The following ZSCAN10 variants were observed in gnomAD, a reference collection of about 807,000 sequenced individuals.
ZSCAN10 encodes zinc finger and SCAN domain-containing protein 10.
A neutral mutation model predicts 63.7 loss-of-function variants in ZSCAN10; 52 were observed. The observed-to-expected ratio is 0.82, with a 90% CI of 0.65 to 1.03. The LOEUF (loss-of-function observed/expected upper bound fraction) is 1.03. Among genes scored for constraint, ZSCAN10 ranks in the 50% least tolerant of loss-of-function variants. The pLI, the probability that ZSCAN10 is intolerant of heterozygous loss-of-function variation, is 0.00. For missense variants in ZSCAN10, 1,223 were observed against 1,103.8 expected (o/e 1.11, Z -1.53); for synonymous variants, 544 against 479.6 (o/e 1.13, Z -1.76).
Position 3,090,212 on chromosome 16 carries a change from G to A in ZSCAN10, c.1222C>T (p.Leu408=). Residue 408 remains leucine, a synonymous_variant, in exon 6 of 6, where the codon CTG becomes TTG. Coordinates refer to ENST00000576985, the MANE Select transcript of ZSCAN10 (RefSeq NM_032805.3). Reference sequence around the variant, plus strand: ...CTCTGGCGGAAGCGGTGGCCGCACAGGTGGCAGGCGTGCGGCCGCTCGTCC... The same window carrying A: ...CTCTGGCGGAAGCGGTGGCCGCACAAGTGGCAGGCGTGCGGCCGCTCGTCC... ...HTDERPHACH[L]CGHRFRQSSH... 3 of 1,606,258 alleles carry A rather than the reference G, an allele frequency of 1.9e-6. No homozygotes were observed. Among genetic ancestry groups the A allele is most frequent in the Non-Finnish European group, 2.5e-6 (3 of 1,179,372 alleles).
In ZSCAN10 at chr16:3,091,751, C is replaced by T. The variant is rs1272525437; in HGVS notation, c.729+13G>A. ...TGGGGCTTGAGGACACCCTGGGGTG[C>T]GGCCCAGCTCACCAGCACAGCCGCC... is the stretch of plus-strand genomic sequence containing the variant. On this transcript the variant is annotated intron_variant, in intron 4 of 5. Coordinates refer to ENST00000576985, the MANE Select transcript of ZSCAN10 (RefSeq NM_032805.3). The T allele has an allele frequency of 8.9e-6, 14 of 1,574,078 alleles. No homozygotes were observed. Among genetic ancestry groups the T allele is most frequent in the Middle Eastern group, 1.7e-4 (1 of 6,022 alleles).
chr16:3,092,505 T>C, intron 2 of ZSCAN10, 37 bp downstream of exon 2: 2 of 1,467,618 alleles, frequency 1.4e-6, no homozygotes, highest in Non-Finnish European at 1.8e-6. Context: ...GTCCCCATCA[T>C]CCGCATGCTG....
chr16:3,090,724 G>C lies in ZSCAN10; in HGVS notation c.788-78C>G, dbSNP rs545007912. ...CAATCACCAGAACCTGATTGGCCTG[G>C]AAGTGGAAAGAAACCCAGGATCCTG... On this transcript the variant is annotated intron_variant, in intron 5 of 5. Coordinates refer to ENST00000576985, the MANE Select transcript of ZSCAN10 (RefSeq NM_032805.3). The C allele has an allele frequency of 1.3e-5, 19 of 1,436,650 alleles. No homozygotes were observed. In the East Asian group the frequency reaches 4.1e-4, roughly 31 times the overall value. The allele number at this position is 1,436,650 out of a possible 1,614,324, so 89.0% of individuals were successfully genotyped here.
At chr16:3,094,690 G>T (rs987270120) in intron 1 of ZSCAN10, among the ~76,000 whole-genome samples, 1 of 152,002 alleles carries the variant, frequency 6.6e-6, no homozygotes, top group Non-Finnish European at 1.5e-5. Flanking sequence ...GGGCCTTGCA[G>T]GGAATATGGA....
intron 1 of ZSCAN10, among the ~76,000 whole-genome samples, chr16:3,097,050 T>C (rs1472928042): frequency 6.6e-6 from 1 of 151,592 alleles, no homozygotes; most frequent in South Asian, 2.1e-4. Context: ...TGAGCTGAGA[T>C]TGCATCACTA....
chr16:3,093,885 C>T (rs544189358), intron 1 of ZSCAN10, among the ~76,000 whole-genome samples: 136 of 152,092 alleles, frequency 8.9e-4, no homozygotes, highest in African/African-American at 3.1e-3. Flanking sequence ...AGAGTTTCAC[C>T]ATGTTGGCTG....
intron 1 of ZSCAN10, among the ~76,000 whole-genome samples, chr16:3,094,775 G>A (rs1957133661): frequency 6.6e-6 from 1 of 151,940 alleles, no homozygotes; most frequent in Non-Finnish European, 1.5e-5. Context: ...TGTAGGAGGC[G>A]CTGGTGGACA....
rs757140356 is a variant in ZSCAN10 at position 3,090,657 on chromosome 16, A to G, written c.788-11T>C. 1.3e-6 allele frequency: 2 copies of G among 1,522,996 alleles called. No homozygotes were observed. The highest frequency in any genetic ancestry group is 2.3e-5 in the East Asian group (1 of 43,876). 94.3% of individuals were successfully genotyped at this position (1,522,996 alleles called of 1,614,324 possible). A position where few individuals can be genotyped will look rare whatever the true frequency, so the allele number is the denominator to read the frequency against. On this transcript the variant is annotated splice_polypyrimidine_tract_variant and intron_variant, in intron 5 of 5. Coordinates refer to ENST00000576985, the MANE Select transcript of ZSCAN10 (RefSeq NM_032805.3). ...TTCTGCTTCCGAATCCTGGGAAACA[A>G]GACAAAACAGGGACGGTCAGGCCTA...
rs1320313577 is a variant in ZSCAN10, at chr16:3,092,743, G to A, written c.195C>T (p.Leu65=). 5.0e-6 allele frequency: 8 copies of A among 1,612,164 alleles called. No homozygotes were observed. In the Admixed American group the frequency reaches 5.0e-5, roughly 10 times the overall value. ...DMGPRASLSR[L]RELCGHWLRP... ...GCAGCCAGTGGCCGCAGAGCTCCCG[G>A]AGCCGGCTCAGGGACGCCCGTGGCC... The change falls in exon 2 of 6, where the codon CTC becomes CTT. Residue 65 remains leucine, a synonymous_variant. Coordinates refer to ENST00000576985, the MANE Select transcript of ZSCAN10 (RefSeq NM_032805.3).
At chr16:3,091,052 A>G (rs1957067864) in intron 5 of ZSCAN10, among the ~76,000 whole-genome samples, 1 of 151,898 alleles carries the variant, frequency 6.6e-6, no homozygotes, top group Admixed American at 6.6e-5. Context: ...CCTAGGCAAC[A>G]CAGTGAGACT....
chr16:3,098,130 C>G (rs933659585), intron 1 of ZSCAN10, among the ~76,000 whole-genome samples: 2 of 150,310 alleles, frequency 1.3e-5, no homozygotes, highest in Admixed American at 6.6e-5. Context: ...AATGGGATTA[C>G]GTTTCACTGG....
intron 1 of ZSCAN10, among the ~76,000 whole-genome samples, chr16:3,098,075 G>GAAAT (rs1957177509): frequency 7.4e-6 from 1 of 135,190 alleles, no homozygotes; most frequent in African/African-American, 2.8e-5. Context: ...AAGAAAGAAA[G>GAAAT]AAAAGAAAAG....
chr16:3,093,024 G>C lies in ZSCAN10; in HGVS notation c.-67-20C>G. On this transcript the variant is annotated intron_variant, in intron 1 of 5. Transcript: ENST00000576985. ...CCACACCTGCGAAGGTGAACACCCT[G>C]GGTTAGGATCTGCTGCGAGGAAGCT... The C allele has an allele frequency of 7.4e-7, 1 of 1,351,374 alleles. No individual in the cohort carries two copies. Among genetic ancestry groups the C allele is most frequent in the Non-Finnish European group, 9.5e-7 (1 of 1,054,904 alleles). The allele number at this position is 1,351,374 out of a possible 1,614,324, so 83.7% of individuals were successfully genotyped here. A position where few individuals can be genotyped will look rare whatever the true frequency, so the allele number is the denominator to read the frequency against.
intron 1 of ZSCAN10, among the ~76,000 whole-genome samples, chr16:3,095,694 G>A (rs1207705199): frequency 3.6e-4 from 55 of 151,750 alleles, no homozygotes; most frequent in Non-Finnish European, 1.5e-5. Context: ...CGGGCGCAGT[G>A]GCGGGTGCCT....
intron 1 of ZSCAN10, among the ~76,000 whole-genome samples, chr16:3,094,991 C>T (rs184018772): frequency 4.0e-5 from 6 of 151,704 alleles, no homozygotes; most frequent in East Asian, 1.9e-4. Context: ...TCTTAGAAGA[C>T]GCTGAAGAGT....
chr16:3,098,090 GAA>G (rs890766652), intron 1 of ZSCAN10, among the ~76,000 whole-genome samples: 4 of 132,788 alleles, frequency 3.0e-5, no homozygotes, highest in African/African-American at 1.1e-4. Flanking sequence ...GAAAAGAAAA[GAA>G]AAAAAAAGAG....
chr16:3,090,660 C>G lies in ZSCAN10; in HGVS notation c.788-14G>C. 6.6e-7 allele frequency: 1 copy of G among 1,521,124 alleles called. No individual in the cohort carries two copies. The highest frequency in any genetic ancestry group is 1.3e-5 in the South Asian group (1 of 78,396). The allele number at this position is 1,521,124 out of a possible 1,614,324, so 94.2% of individuals were successfully genotyped here. The stretch of plus-strand genomic sequence containing the variant: ...TGCTTCCGAATCCTGGGAAACAAGA[C>G]AAAACAGGGACGGTCAGGCCTATTC... On this transcript the variant is annotated splice_polypyrimidine_tract_variant and intron_variant, in intron 5 of 5. Coordinates refer to ENST00000576985, the MANE Select transcript of ZSCAN10 (RefSeq NM_032805.3).
rs1210026166 is a variant in ZSCAN10, at chr16:3,089,392, C to T, written c.2042G>A (p.Arg681His). The T allele has an allele frequency of 2.5e-6, 4 of 1,600,590 alleles. No individual in the cohort carries two copies. The highest frequency in any genetic ancestry group is 1.1e-5 in the South Asian group (1 of 90,688). ...GGGCCGCTCGCCCGTGTGGCTGCGG[C>T]GATGGCGGGCCAGGTTGGAGCTATT... ...FRNSSNLARHRRSHTGERPYS... is the reference protein window; with the variant it reads ...FRNSSNLARHHRSHTGERPYS... The change falls in exon 6 of 6, where the codon CGC (arginine) becomes CAC (histidine). Residue 681 changes from arginine (R) to histidine (H), a missense_variant. By Grantham distance (29) the Arg-to-His change is conservative (BLOSUM62 0). Coordinates refer to ENST00000576985, the MANE Select transcript of ZSCAN10 (RefSeq NM_032805.3).
Position 3,091,821 on chromosome 16 carries a change from C to G in ZSCAN10, c.672G>C (p.Gln224His). The change falls in exon 4 of 6, where the codon CAG becomes CAC. Residue 224 changes from glutamine to histidine, a missense_variant. Transcript: ENST00000576985. ...TCTCCTCTGGCCATGGTGAGGGGCC[C>G]TGGGGACCTGACGGCATTGGGGAAG... Reference protein sequence around the residue: ...TFQALQESSPQGPSPWPEESS... With the variant: ...TFQALQESSPHGPSPWPEESS... The G allele has an allele frequency of 6.4e-7, 1 of 1,572,052 alleles. No homozygotes were observed. Among genetic ancestry groups the G allele is most frequent in the Non-Finnish European group, 8.6e-7 (1 of 1,158,580 alleles).
Sources: gnomAD v4.1 joint callset for allele counts (sites outside exome capture counted in the v4.1 genomes callset) on GRCh38, gnomAD v4.1.1 for gene constraint, MANE v1.5 for transcripts, NCBI Gene and HGNC (gene_info 2026-07-23, HGNC 2026-07-21) for gene names.